Variants in KTN1 observed in about 807,000 individuals in gnomAD.
The protein encoded by KTN1 is kinectin.
Under a neutral mutation model 222.5 loss-of-function variants are expected in KTN1, and 130 were observed. That is an observed-to-expected ratio of 0.58 (90% CI 0.51 to 0.68). The LOEUF (loss-of-function observed/expected upper bound fraction) is 0.68. KTN1 is among the 30% of genes least tolerant of loss of function. The pLI is 0.00. For missense variants in KTN1, 1,508 were observed against 1,500.4 expected (o/e 1.01, Z -0.08); for synonymous variants, 512 against 496.3 (o/e 1.03, Z -0.42).
intron 18 of KTN1, chr14:55,644,558 G>A (rs1185533591): frequency 7.9e-6 from 3 of 381,790 alleles, no homozygotes; most frequent in Non-Finnish European, 1.4e-5. Flanking sequence ...CTCAGAATAA[G>A]ACTTTTTTTT....
chr14:55,646,364 A>G (rs764949827), intron 18 of KTN1, among the ~76,000 whole-genome samples: 2 of 151,992 alleles, frequency 1.3e-5, no homozygotes, highest in Non-Finnish European at 2.9e-5. Flanking sequence ...TAGAAAAAAA[A>G]TCAATTAAAA....
intron 30 of KTN1, among the ~76,000 whole-genome samples, chr14:55,659,092 C>G (rs1485529378): frequency 1.3e-5 from 2 of 151,990 alleles, no homozygotes; most frequent in Non-Finnish European, 2.9e-5. Flanking sequence ...CCCAAAATAG[C>G]CTGTAAATTA....
At chr14:55,640,069 C>T (rs2041613053) in intron 14 of KTN1, 66 bp downstream of exon 14, 4 of 924,672 alleles carry the variant, frequency 4.3e-6, no homozygotes, top group South Asian at 1.4e-5. Flanking sequence ...CTTTGATGCA[C>T]ATAATCAGTA....
chr14:55,679,755 T>C, intron 43 of KTN1, 70 bp downstream of exon 43: 2 of 1,446,192 alleles, frequency 1.4e-6, no homozygotes, highest in Non-Finnish European at 1.9e-6. Flanking sequence ...TGTATTTACA[T>C]AAATAAACTC....
At chr14:55,608,286 T>A (rs893626367) in intron 1 of KTN1, among the ~76,000 whole-genome samples, 1 of 152,232 alleles carries the variant, frequency 6.6e-6, no homozygotes, top group African/African-American at 2.4e-5. Context: ...GTATATTTAT[T>A]GGTATTGTAG....
intron 1 of KTN1, 53 bp from the exon 2 acceptor site, chr14:55,611,966 T>C: frequency 3.6e-6 from 3 of 831,832 alleles, no homozygotes; most frequent in Non-Finnish European, 5.2e-6. Context: ...TTAATTTTTA[T>C]GAGACTGACA....
At chr14:55,645,215 A>G (rs1370922548) in intron 18 of KTN1, among the ~76,000 whole-genome samples, 4 of 152,340 alleles carry the variant, frequency 2.6e-5, no homozygotes, top group African/African-American at 9.6e-5. Context: ...GTCCAGGCTG[A>G]GGGAATACAA....
intron 1 of KTN1, among the ~76,000 whole-genome samples, chr14:55,601,575 A>T (rs1172726124): frequency 2.0e-5 from 3 of 152,124 alleles, no homozygotes; most frequent in Non-Finnish European, 4.4e-5. Context: ...GAAATGGTTA[A>T]TGCTTTGTCT....
At chr14:55,596,386 A>G (rs1208140316) in intron 1 of KTN1, among the ~76,000 whole-genome samples, 1 of 152,134 alleles carries the variant, frequency 6.6e-6, no homozygotes, top group Non-Finnish European at 1.5e-5. Context: ...CTTTCATGGA[A>G]CTTGAAATGT....
In KTN1 at chr14:55,678,447, A is replaced by G. The variant is rs1337759351; in HGVS notation, c.3948+3A>G. ...ATAGTGATGTTTCCCCAGAAACGGT[A>G]TGTATTTTCTTCATCCCCAGATCTC... On this transcript the variant is annotated splice_donor_region_variant and intron_variant, in intron 42 of 43. Transcript: ENST00000395314. 7 of 1,579,342 alleles carry G rather than the reference A, an allele frequency of 4.4e-6. No homozygotes were observed. Among genetic ancestry groups the G allele is most frequent in the Admixed American group, 1.7e-5 (1 of 59,950 alleles).
At chr14:55,667,791 C>T (rs1314669627) in intron 34 of KTN1, 1 of 152,022 alleles carries the variant, frequency 6.6e-6, no homozygotes, top group Non-Finnish European at 1.5e-5. Flanking sequence ...TATAGAACAA[C>T]TTGGTTTACT....
chr14:55,632,612 G>T (rs2040660390), intron 7 of KTN1, among the ~76,000 whole-genome samples: 1 of 151,996 alleles, frequency 6.6e-6, no homozygotes, highest in Admixed American at 6.6e-5. Context: ...GATGAATGGT[G>T]GTCATGATTA....
chr14:55,673,035 A>C, intron 39 of KTN1, 23 bp downstream of exon 39: 1 of 1,584,568 alleles, frequency 6.3e-7, no homozygotes, highest in Non-Finnish European at 8.7e-7. Context: ...GAATCTTTTC[A>C]AACTTGCTTC....
chr14:55,613,092 T>A (rs2037829984), intron 2 of KTN1, among the ~76,000 whole-genome samples: 1 of 152,182 alleles, frequency 6.6e-6, no homozygotes, highest in Non-Finnish European at 1.5e-5. Context: ...TTATCATATA[T>A]CTGTTTTATG....
At position 55,639,932 on chromosome 14, in the gene KTN1, C is replaced by A; in HGVS notation, c.1843C>A (p.Gln615Lys). Reference sequence around the variant, plus strand: ...CTAAAGGATTGCAGAAAAGGATAAGCAGATAAAACAGACTGAAGATTCTTT... The same window carrying A: ...CTAAAGGATTGCAGAAAAGGATAAGAAGATAAAACAGACTGAAGATTCTTT... ...LHKVIAEKDKQIKQTEDSLAS... is the reference protein window; with the variant it reads ...LHKVIAEKDKKIKQTEDSLAS... The change falls in exon 14 of 44, where the codon CAG becomes AAG. Residue 615 changes from glutamine to lysine, a missense_variant. Physicochemically the swap from Gln to Lys is moderately conservative, Grantham distance 53. Transcript: ENST00000395314. 2 of 1,602,756 alleles carry A rather than the reference C, an allele frequency of 1.2e-6. No individual in the cohort carries two copies. The highest frequency in any genetic ancestry group is 1.7e-6 in the Non-Finnish European group (2 of 1,170,788).
intron 27 of KTN1, 114 bp downstream of exon 27, chr14:55,653,199 G>A (rs1465062086): frequency 1.3e-6 from 1 of 749,538 alleles, no homozygotes; most frequent in African/African-American, 1.8e-5. Context: ...GAAAAATTAT[G>A]TTGTACCATA....
At chr14:55,618,169 T>G (rs773622245) in intron 4 of KTN1, 35 bp downstream of exon 4, 1 of 1,482,642 alleles carries the variant, frequency 6.7e-7, no homozygotes, top group Non-Finnish European at 9.2e-7. Flanking sequence ...TGTTGTACTA[T>G]AAAAACACAT....
chr14:55,637,727 T>G, intron 11 of KTN1, 52 bp from the exon 12 acceptor site: 33 of 1,245,672 alleles, frequency 2.6e-5, no homozygotes, highest in Non-Finnish European at 3.4e-5. Context: ...TTCATATACA[T>G]GGGGTTATTT....
chr14:55,596,947 G>A (rs962174067), intron 1 of KTN1, among the ~76,000 whole-genome samples: 5 of 151,798 alleles, frequency 3.3e-5, no homozygotes, highest in Admixed American at 1.3e-4. Flanking sequence ...GCAGCTTCAA[G>A]AATAGAACGT....
Sources: allele counts gnomAD v4.1 joint callset (sites outside exome capture counted in the v4.1 genomes callset), GRCh38; gene constraint gnomAD v4.1.1; transcripts MANE v1.5; gene names NCBI Gene and HGNC (gene_info 2026-07-23, HGNC 2026-07-21).